GTPBP10: variants seen among roughly 807,000 people sequenced by gnomAD.
GTPBP10 encodes the protein GTP-binding protein 10.
In GTPBP10, 38 loss-of-function variants were observed where a neutral mutation model predicts 44.8. That is an observed-to-expected ratio of 0.85 (90% confidence interval 0.65 to 1.11). The LOEUF is 1.11. GTPBP10 is among the 50% of genes most tolerant of loss of function. The pLI is 0.00. For missense variants in GTPBP10, 462 were observed against 453.7 expected, an observed-to-expected ratio of 1.02 and a Z score of -0.17; for synonymous variants, 152 against 150.6, an observed-to-expected ratio of 1.01 and a Z score of -0.07.
intron 8 of GTPBP10, among the ~76,000 whole-genome samples, chr7:90,381,762 T>A (rs1159277105): frequency 6.6e-6 from 1 of 152,182 alleles, no homozygotes; most frequent in Non-Finnish European, 1.5e-5. Flanking sequence ...ATTAAATCCA[T>A]GCATTTACAG....
At chr7:90,372,482 C>CTTTTTTTTTTTTTTTTTTTTT (rs757973599) in intron 5 of GTPBP10, among the ~76,000 whole-genome samples, 20 of 112,200 alleles carry the variant, frequency 1.8e-4, no homozygotes, top group African/African-American at 5.9e-4. Flanking sequence ...GCTTGGCTAA[C>CTTTTTTTTTTTTTTTTTTTTT]TTTTTTTTTT....
At position 90,383,090 on chromosome 7, in the gene GTPBP10, T is replaced by G; in HGVS notation, c.901+11T>G. On this transcript the variant is annotated intron_variant, in intron 9 of 9. Transcript: ENST00000222511. ...TCCAGAATCCTAAAGGTAAACCTAT[T>G]TATTCATTTAATTCTAATTTAAAGA... 6.6e-7 allele frequency: 1 copy of G among 1,524,662 alleles called. No individual in the cohort carries two copies. The highest frequency in any genetic ancestry group is 8.9e-7 in the Non-Finnish European group (1 of 1,126,074). 94.4% of individuals were successfully genotyped at this position (1,524,662 alleles called of 1,614,324 possible).
At chr7:90,371,810 CAAGGT>C (rs756730619) in intron 4 of GTPBP10, among the ~76,000 whole-genome samples, 4 of 151,996 alleles carry the variant, frequency 2.6e-5, no homozygotes, top group Non-Finnish European at 5.9e-5. Context: ...GTTTACAAAA[CAAGGT>C]AATGTTTTGT....
chr7:90,382,919 G>A (rs911793013), intron 8 of GTPBP10, 37 bp from the exon 9 acceptor site: 1 of 1,423,906 alleles, frequency 7.0e-7, no homozygotes, highest in African/African-American at 1.4e-5. Context: ...ACAGAAACCA[G>A]TACTAAAATT....
At chr7:90,346,938 G>T (rs1795687690) in intron 1 of GTPBP10, among the ~76,000 whole-genome samples, 164 bp downstream of exon 1, 1 of 152,218 alleles carries the variant, frequency 6.6e-6, no homozygotes, top group South Asian at 2.1e-4. Flanking sequence ...AGTAAGCGGT[G>T]ACAGTGGTGT....
chr7:90,346,884 T>A (rs1489023195), intron 1 of GTPBP10, 110 bp downstream of exon 1: 1 of 1,239,888 alleles, frequency 8.1e-7, no homozygotes, highest in African/African-American at 1.5e-5. Flanking sequence ...CCTTGCTTGG[T>A]TTTCCCATAG....
intron 1 of GTPBP10, 132 bp from the exon 2 acceptor site, chr7:90,352,684 G>A (rs1219620970): frequency 1.7e-6 from 1 of 588,938 alleles, no homozygotes; most frequent in African/African-American, 1.9e-5. Context: ...CTAAGAAAAT[G>A]TTATAGAATT....
In GTPBP10 at chr7:90,387,845, A is replaced by G. The variant is rs548880150; in HGVS notation, c.*2691A>G. Reference sequence around the variant, plus strand: ...AGTGATCACAGTGACCAGGTTTTGTATTGGGTATGTTTTACATTTGTAACT... The same window carrying G: ...AGTGATCACAGTGACCAGGTTTTGTGTTGGGTATGTTTTACATTTGTAACT... On this transcript the variant is annotated 3_prime_UTR_variant, in exon 10 of 10. Transcript: ENST00000222511. 1.3e-5 allele frequency: 2 copies of G among 152,312 alleles called. No individual in the cohort carries two copies. Among genetic ancestry groups the G allele is most frequent in the Admixed American group, 6.5e-5 (1 of 15,304 alleles). 9.4% of individuals were successfully genotyped at this position (152,312 alleles called of 1,614,324 possible). A position where few individuals can be genotyped will look rare whatever the true frequency, so the allele number is the denominator to read the frequency against.
Position 90,352,804 on chromosome 7 carries a change from T to C in GTPBP10, c.34-12T>C, listed in dbSNP as rs538800049. 1.3e-6 allele frequency: 2 copies of C among 1,572,944 alleles called. No homozygotes were observed. The highest frequency in any genetic ancestry group is 2.8e-5 in the African/African-American group (2 of 72,574). On this transcript the variant is annotated splice_polypyrimidine_tract_variant and intron_variant, in intron 1 of 9. Transcript: ENST00000222511. Reference sequence around the variant, plus strand: ...TTTGGTATACAAATATTCTTTCTCTTTTTTTTTTAAGTATGGAAATTTCAT... The same window carrying C: ...TTTGGTATACAAATATTCTTTCTCTCTTTTTTTTAAGTATGGAAATTTCAT...
intron 4 of GTPBP10, among the ~76,000 whole-genome samples, chr7:90,365,247 A>G (rs1377597123): frequency 6.7e-6 from 1 of 149,704 alleles, no homozygotes; most frequent in Non-Finnish European, 1.5e-5. Flanking sequence ...GACTGGAGCC[A>G]TTTCTATTTG....
At chr7:90,360,942 G>T (rs1192620674) in intron 4 of GTPBP10, among the ~76,000 whole-genome samples, 12 of 152,124 alleles carry the variant, frequency 7.9e-5, no homozygotes, top group Non-Finnish European at 4.4e-5. Context: ...CTGTTTATCT[G>T]TTATTGGTGT....
At chr7:90,361,522 G>A (rs576488822) in intron 4 of GTPBP10, among the ~76,000 whole-genome samples, 9 of 152,256 alleles carry the variant, frequency 5.9e-5, no homozygotes, top group African/African-American at 2.2e-4. Flanking sequence ...ATGTGCTGCT[G>A]GATTCAGTTT....
chr7:90,357,880 A>C (rs1161036588), intron 4 of GTPBP10, among the ~76,000 whole-genome samples: 2 of 152,166 alleles, frequency 1.3e-5, no homozygotes, highest in Admixed American at 6.5e-5. Flanking sequence ...GTATTTCTTC[A>C]TGTAGACATT....
intron 4 of GTPBP10, among the ~76,000 whole-genome samples, chr7:90,358,679 A>C (rs144319642): frequency 6.6e-6 from 1 of 152,112 alleles, no homozygotes; most frequent in Non-Finnish European, 1.5e-5. Flanking sequence ...CTTAGGAAAA[A>C]CCCTTCTGGA....
rs1796565610 is a variant in GTPBP10, at chr7:90,388,630, G to GA, written c.*3482dup. 6.6e-6 allele frequency: 1 copy of GA among 151,970 alleles called. No individual in the cohort carries two copies. The highest frequency in any genetic ancestry group is 2.4e-5 in the African/African-American group (1 of 41,382). The allele number at this position is 151,970 out of a possible 1,614,324, so 9.4% of individuals were successfully genotyped here. A position where few individuals can be genotyped will look rare whatever the true frequency, so the allele number is the denominator to read the frequency against. Reference sequence around the variant, plus strand: ...AAACATGTATTAGTTACATAATCAGGAAAAAAGTCATCTTTTATAATGAGA... The same window carrying GA: ...AAACATGTATTAGTTACATAATCAGGAAAAAAAGTCATCTTTTATAATGAGA... On this transcript the variant is annotated 3_prime_UTR_variant, in exon 10 of 10. Coordinates refer to ENST00000222511, the MANE Select transcript of GTPBP10 (RefSeq NM_033107.4).
At chr7:90,378,095 G>C (rs146751670) in intron 7 of GTPBP10, 39 bp from the exon 8 acceptor site, 1 of 1,569,922 alleles carries the variant, frequency 6.4e-7, no homozygotes, top group Non-Finnish European at 8.7e-7. Context: ...GCTATTCTTC[G>C]TATGTTAAAG....
chr7:90,354,488 A>C lies in GTPBP10; in HGVS notation c.258A>C (p.Lys86Asn). 1.9e-6 allele frequency: 3 copies of C among 1,590,724 alleles called. No individual in the cohort carries two copies. Among genetic ancestry groups the C allele is most frequent in the Non-Finnish European group, 2.6e-6 (3 of 1,168,262 alleles). ...KISALKGSKG[K>N]DCEIPVPVGI... is the part of the protein sequence containing the mutation. The stretch of plus-strand genomic sequence containing the variant: ...GTGCACTGAAAGGCTCCAAAGGAAA[A>C]GACTGTGAAATCCCTGTGCCTGTGG... The change falls in exon 3 of 10, where the codon AAA becomes AAC. Residue 86 changes from lysine (K) to asparagine (N), a missense_variant. Coordinates refer to ENST00000222511, the MANE Select transcript of GTPBP10 (RefSeq NM_033107.4).
chr7:90,375,701 CT>C (rs1287245597), intron 6 of GTPBP10, among the ~76,000 whole-genome samples: 23 of 152,020 alleles, frequency 1.5e-4, no homozygotes, highest in Non-Finnish European at 2.9e-4. Flanking sequence ...GTGCATGCTG[CT>C]TTGTCAGCTT....
chr7:90,377,171 C>T (rs1240567128), intron 6 of GTPBP10, among the ~76,000 whole-genome samples: 1 of 152,114 alleles, frequency 6.6e-6, no homozygotes, highest in Non-Finnish European at 1.5e-5. Flanking sequence ...CTACAGTGAT[C>T]TATGGTCACA....
Sources: allele counts gnomAD v4.1 joint callset (sites outside exome capture counted in the v4.1 genomes callset), GRCh38; gene constraint gnomAD v4.1.1; transcripts MANE v1.5; gene names NCBI Gene and HGNC (gene_info 2026-07-23, HGNC 2026-07-21).